Variants in RBM34 observed in about 807,000 individuals in gnomAD.
RBM34 encodes the protein RNA binding motif protein 34.
Under a neutral mutation model 44.6 loss-of-function variants are expected in RBM34, and 39 were observed. The ratio of observed to expected loss-of-function variants is 0.87; its 90% CI spans 0.68 to 1.14. RBM34 has a LOEUF of 1.14. Among genes scored for constraint, RBM34 ranks in the 50% most tolerant of loss-of-function variants. RBM34 has a pLI of 0.00. For synonymous variants in RBM34, 194 were observed against 184.0 expected (o/e 1.05, Z -0.44); for missense variants, 572 against 517.9 (o/e 1.10, Z -1.01).
intron 5 of RBM34, among the ~76,000 whole-genome samples, chr1:235,149,028 T>A (rs1464628309): frequency 6.6e-6 from 1 of 151,928 alleles, no homozygotes; most frequent in Non-Finnish European, 1.5e-5. Context: ...GGCTCTCAAA[T>A]TGCATCAGAT....
In RBM34 at chr1:235,160,511, C is replaced by T. The variant is rs1447924291; in HGVS notation, c.365G>A (p.Arg122Lys). The change falls in exon 3 of 11, where the codon AGG becomes AAG. Residue 122 changes from arginine (R) to lysine (K), a missense_variant and splice_region_variant. Transcript: ENST00000408888. ...CATCAAATAAGAGAATTTTACCAAC[C>T]TGTCTGCCAACTTTTTTTCTGCGTT... ...HTNAEKKLAD[R>K]ESALASADLE... The T allele has an allele frequency of 1.9e-6, 3 of 1,609,540 alleles. No homozygotes were observed. Among genetic ancestry groups the T allele is most frequent in the East Asian group, 2.2e-5 (1 of 44,870 alleles).
chr1:235,141,550 C>T (rs1029741280), intron 6 of RBM34, among the ~76,000 whole-genome samples: 6 of 152,150 alleles, frequency 3.9e-5, no homozygotes, highest in Non-Finnish European at 8.8e-5. Context: ...AAGCAGGCTG[C>T]CCTAGCCAGC....
At chr1:235,142,283 C>CT (rs148095735) in intron 6 of RBM34, among the ~76,000 whole-genome samples, 24,526 of 151,938 alleles carry the variant, frequency 0.16, 2,212 homozygotes, top group Middle Eastern at 0.23. Context: ...AGCAATAGCA[C>CT]TTTTTTTATT....
intron 6 of RBM34, among the ~76,000 whole-genome samples, chr1:235,146,446 G>A (rs114470566): frequency 6.6e-6 from 1 of 152,090 alleles, no homozygotes; most frequent in South Asian, 2.1e-4. Context: ...GGAAGGTGTG[G>A]AGTAGTGCAT....
At chr1:235,152,666 AT>A in intron 5 of RBM34, 39 bp downstream of exon 5, 1 of 1,583,388 alleles carries the variant, frequency 6.3e-7, no homozygotes, top group African/African-American at 1.4e-5. Context: ...AATGCAATAA[AT>A]TTTAATATTA....
chr1:235,138,225 T>C, intron 6 of RBM34, 51 bp from the exon 7 acceptor site: 1 of 1,468,746 alleles, frequency 6.8e-7, no homozygotes, highest in Non-Finnish European at 9.3e-7. Context: ...AAGGTAAATT[T>C]CTTAGCCTCA....
chr1:235,154,461 G>A (rs1206711939), intron 4 of RBM34, among the ~76,000 whole-genome samples: 1 of 152,122 alleles, frequency 6.6e-6, no homozygotes, highest in Non-Finnish European at 1.5e-5. Context: ...CTACTCAGGA[G>A]GCTGAGGCAG....
Position 235,160,277 on chromosome 1 carries a change from G to A in RBM34, c.365+234C>T, listed in dbSNP as rs566502753. On this transcript the variant is annotated intron_variant, in intron 3 of 10. Coordinates refer to ENST00000408888, the MANE Select transcript of RBM34 (RefSeq NM_015014.4). ...AAAACAAACAAAAACAAATAATGAG[G>A]GGGTATATGAGTGGGGTAAAAATAC... is the stretch of plus-strand genomic sequence containing the variant. The A allele has an allele frequency of 2.7e-4, 182 of 662,624 alleles. 1 individual carries two copies. The highest frequency in any genetic ancestry group is 1.0e-3 in the South Asian group (68 of 66,506). The allele number at this position is 662,624 out of a possible 1,614,324, so 41.0% of individuals were successfully genotyped here.
At chr1:235,142,858 G>A (rs770877785) in intron 6 of RBM34, among the ~76,000 whole-genome samples, 7 of 149,896 alleles carry the variant, frequency 4.7e-5, no homozygotes, top group Admixed American at 2.0e-4. Context: ...AACCCGGGAG[G>A]CGGAGGTTGC....
In RBM34 at chr1:235,142,614, C is replaced by T. The variant is rs188088897; in HGVS notation, c.702-4440G>A. On this transcript the variant is annotated intron_variant, in intron 6 of 10. Transcript: ENST00000408888. ...TCTCTAAATGAGATCTTCAATAAAA[C>T]TTAAAACTTTCAATCTTTAAGAGAC... is the stretch of plus-strand genomic sequence containing the variant. Among the ~76,000 whole-genome samples the T allele has an allele frequency of 3.6e-4, 55 of 152,154 alleles. 1 individual carries two copies. In the Middle Eastern group the frequency reaches 0.017, roughly 47 times the overall value.
At chr1:235,158,491 T>A (rs77825693) in intron 3 of RBM34, among the ~76,000 whole-genome samples, 1 of 82,474 alleles carries the variant, frequency 1.2e-5, no homozygotes, top group Admixed American at 1.1e-4. Flanking sequence ...GACGGCACAG[T>A]CCCTAAAAAG....
rs1452631141 is a variant in RBM34, at chr1:235,154,961, G to C, written c.517C>G (p.Gln173Glu). ...AATCTCTCTTCTTCTTGGTTGATTT[G>C]AATTTTCTTTCTTTGACTGACAACT... ...DTVVSQRKKI[Q>E]INQEEERLKN... The change falls in exon 4 of 11, where the codon CAA becomes GAA. Residue 173 changes from glutamine to glutamate, a missense_variant. Physicochemically the swap from Gln to Glu is conservative, Grantham distance 29. Coordinates refer to ENST00000408888, the MANE Select transcript of RBM34 (RefSeq NM_015014.4). 1 of 1,614,004 alleles carries C rather than the reference G, an allele frequency of 6.2e-7. No homozygotes were observed. Among genetic ancestry groups the C allele is most frequent in the Non-Finnish European group, 8.5e-7 (1 of 1,179,988 alleles).
At chr1:235,141,316 T>C (rs1661673822) in intron 6 of RBM34, among the ~76,000 whole-genome samples, 1 of 152,080 alleles carries the variant, frequency 6.6e-6, no homozygotes, top group Admixed American at 6.6e-5. Flanking sequence ...TGTGTTTAGC[T>C]CAGGGTTTGT....
chr1:235,140,196 G>A (rs1477987797), intron 6 of RBM34, among the ~76,000 whole-genome samples: 1 of 152,250 alleles, frequency 6.6e-6, no homozygotes, highest in East Asian at 1.9e-4. Context: ...CACTTGAGGA[G>A]CCCTTCAGCC....
chr1:235,135,928 A>G, intron 9 of RBM34, 106 bp downstream of exon 9: 2 of 1,250,560 alleles, frequency 1.6e-6, no homozygotes, highest in Non-Finnish European at 2.3e-6. Context: ...AACACATTGC[A>G]TGCTTTAAAA....
At chr1:235,159,979 C>T (rs1662626357) in intron 3 of RBM34, among the ~76,000 whole-genome samples, 2 of 151,890 alleles carry the variant, frequency 1.3e-5, no homozygotes, top group South Asian at 2.1e-4. Context: ...GGTAGCTGGG[C>T]GAGGTGGCTC....
At chr1:235,160,797 C>T (rs1017188200) in intron 2 of RBM34, 96 bp downstream of exon 2, 4 of 1,535,530 alleles carry the variant, frequency 2.6e-6, no homozygotes, top group Non-Finnish European at 3.5e-6. Flanking sequence ...CCTGTCTGCC[C>T]CCTTTAGAAA....
At chr1:235,143,382 AT>A (rs1221579850) in intron 6 of RBM34, among the ~76,000 whole-genome samples, 1 of 152,160 alleles carries the variant, frequency 6.6e-6, no homozygotes, top group Non-Finnish European at 1.5e-5. Flanking sequence ...CCGTACCCAA[AT>A]TTTTTTTAGC....
intron 6 of RBM34, among the ~76,000 whole-genome samples, chr1:235,146,093 G>C (rs1003649917): frequency 3.4e-5 from 5 of 148,580 alleles, no homozygotes; most frequent in African/African-American, 1.0e-4. Flanking sequence ...TTCCCAAGCA[G>C]CTGGGACTAC....
Sources: allele counts gnomAD v4.1 joint callset (sites outside exome capture counted in the v4.1 genomes callset), GRCh38; gene constraint gnomAD v4.1.1; transcripts MANE v1.5; gene names NCBI Gene and HGNC (gene_info 2026-07-23, HGNC 2026-07-21).